Variants in HFM1 observed in about 807,000 individuals in gnomAD.
HFM1 encodes the protein probable ATP-dependent DNA helicase HFM1.
In HFM1, 169 loss-of-function variants were observed where a neutral mutation model predicts 192.1. That is an observed-to-expected ratio of 0.88 (90% CI 0.78 to 1.00). The LOEUF is 1.00. Among genes scored for constraint, HFM1 ranks in the 50% least tolerant of loss-of-function variants. The pLI, the probability that HFM1 is intolerant of heterozygous loss-of-function variation, is 0.00. For missense variants in HFM1, 1,661 were observed against 1,668.0 expected (o/e 1.00, Z 0.07); for synonymous variants, 525 against 537.8 (o/e 0.98, Z 0.33).
intron 20 of HFM1, among the ~76,000 whole-genome samples, chr1:91,333,876 G>C (rs1045038960): frequency 2.0e-5 from 3 of 152,146 alleles, no homozygotes; most frequent in Admixed American, 6.5e-5. Context: ...AGGTTGGCTA[G>C]GAAGATAACT....
rs76705793 is a variant in HFM1 at position 91,397,627 on chromosome 1, A to G, written c.72-1222T>C. 1.6e-3 allele frequency among the ~76,000 whole-genome samples: 240 copies of G among 152,346 alleles called. 3 individuals carry two copies. The East Asian group carries it at 0.023, about 15-fold the overall frequency. On this transcript the variant is annotated intron_variant, in intron 2 of 38. Transcript: ENST00000370425. ...ACAACACATTATCTGGCAACGTCTA[A>G]CAGACTGTTTAATAACAAGCCAGAT...
At chr1:91,310,030 C>T (rs1650205232) in intron 30 of HFM1, among the ~76,000 whole-genome samples, 1 of 151,558 alleles carries the variant, frequency 6.6e-6, no homozygotes, top group South Asian at 2.1e-4. Flanking sequence ...CTCTGCATAG[C>T]AAAGAAGCTG....
chr1:91,385,685 T>C lies in HFM1; in HGVS notation c.644A>G (p.Tyr215Cys), dbSNP rs1440221803. 1 of 1,611,852 alleles carries C rather than the reference T, an allele frequency of 6.2e-7. No homozygotes were observed. The highest frequency in any genetic ancestry group is 1.3e-5 in the African/African-American group (1 of 74,998). ...NYSNSKQKFQ[Y>C]SANVFTANNA... ...ATTTGCTGTAAACACATTTGCAGAATACTGAAATTTTTGCTTACTATTGCT... is the reference window on the plus strand; with the variant it reads ...ATTTGCTGTAAACACATTTGCAGAACACTGAAATTTTTGCTTACTATTGCT... The change falls in exon 5 of 39, where the codon TAT (tyrosine) becomes TGT (cysteine). Residue 215 changes from tyrosine (Y) to cysteine (C), a missense_variant. Coordinates refer to ENST00000370425, the MANE Select transcript of HFM1 (RefSeq NM_001017975.6).
intron 20 of HFM1, among the ~76,000 whole-genome samples, chr1:91,326,292 AAAG>A (rs1364526469): frequency 1.3e-5 from 2 of 152,262 alleles, no homozygotes; most frequent in African/African-American, 4.8e-5. Flanking sequence ...GATTTAACCC[AAAG>A]AAGGCTACCT....
intron 13 of HFM1, among the ~76,000 whole-genome samples, chr1:91,354,147 A>C (rs1251243754): frequency 1.3e-5 from 2 of 151,858 alleles, no homozygotes; most frequent in East Asian, 3.9e-4. Context: ...AGTTATTCAA[A>C]AAGAACCAAA....
At chr1:91,321,169 C>A (rs932895629) in intron 23 of HFM1, among the ~76,000 whole-genome samples, 6 of 152,178 alleles carry the variant, frequency 3.9e-5, no homozygotes, top group Admixed American at 3.9e-4. Context: ...GAGCCAGGCA[C>A]GCTGGCTCAC....
At chr1:91,316,579 G>A in intron 25 of HFM1, 103 bp from the exon 26 acceptor site, 1 of 457,214 alleles carries the variant, frequency 2.2e-6, no homozygotes. Flanking sequence ...AAAATTTTAA[G>A]ATCCAGTCAA....
At chr1:91,319,439 T>C in intron 23 of HFM1, 49 bp from the exon 24 acceptor site, 1 of 1,170,012 alleles carries the variant, frequency 8.5e-7, no homozygotes. Context: ...GTTATCTATC[T>C]CCCAGTATTT....
chr1:91,289,655 C>T (rs1347456376), intron 30 of HFM1, among the ~76,000 whole-genome samples: 2 of 152,124 alleles, frequency 1.3e-5, no homozygotes, highest in African/African-American at 2.4e-5. Flanking sequence ...CAGTCAGGAG[C>T]TAGAGACCAG....
At chr1:91,383,547 A>C (rs968680369) in intron 6 of HFM1, among the ~76,000 whole-genome samples, 2 of 152,168 alleles carry the variant, frequency 1.3e-5, no homozygotes, top group Non-Finnish European at 2.9e-5. Flanking sequence ...AAGTCAGGCA[A>C]GTATTTTCTA....
Position 91,395,266 on chromosome 1 carries a change from G to A in HFM1, c.185-864C>T, listed in dbSNP as rs144103211. 7.9e-5 allele frequency among the ~76,000 whole-genome samples: 12 copies of A among 152,012 alleles called. No individual in the cohort carries two copies. In the East Asian group the frequency reaches 2.3e-3, roughly 29 times the overall value. On this transcript the variant is annotated intron_variant, in intron 3 of 38. Transcript: ENST00000370425. ...CCAGGCGATCTTACCTTTAGGAAATGGCAAGGCAAAAACTGAACAGCAGTG... is the reference window on the plus strand; with the variant it reads ...CCAGGCGATCTTACCTTTAGGAAATAGCAAGGCAAAAACTGAACAGCAGTG...
At chr1:91,326,875 A>G (rs1446333013) in intron 20 of HFM1, among the ~76,000 whole-genome samples, 4 of 152,240 alleles carry the variant, frequency 2.6e-5, no homozygotes, top group African/African-American at 7.2e-5. Context: ...GGATGAAGTT[A>G]AAGTGTAGAG....
intron 1 of HFM1, among the ~76,000 whole-genome samples, chr1:91,403,265 G>A (rs755900846): frequency 2.0e-5 from 3 of 151,942 alleles, no homozygotes; most frequent in Non-Finnish European, 4.4e-5. Flanking sequence ...AATGCATTGT[G>A]GAATAAATGC....
intron 20 of HFM1, among the ~76,000 whole-genome samples, chr1:91,339,221 A>T (rs1655012320): frequency 6.6e-6 from 1 of 151,734 alleles, no homozygotes; most frequent in African/African-American, 2.4e-5. Context: ...GAACCCTGGC[A>T]ACTCAAAATA....
Position 91,351,428 on chromosome 1 carries a change from A to G in HFM1, c.2072+121T>C, listed in dbSNP as rs571288609. The G allele has an allele frequency of 1.6e-5, 9 of 577,072 alleles. No individual in the cohort carries two copies. In the East Asian group the frequency reaches 3.0e-4, roughly 19 times the overall value. The allele number at this position is 577,072 out of a possible 1,614,324, so 35.7% of individuals were successfully genotyped here. On this transcript the variant is annotated intron_variant, in intron 17 of 38. Coordinates refer to ENST00000370425, the MANE Select transcript of HFM1 (RefSeq NM_001017975.6). ...ACAAACTTTCTAGTTAAATAGTTGAAAACTTTACAGAAAATTGCCTTAAAA... is the reference window on the plus strand; with the variant it reads ...ACAAACTTTCTAGTTAAATAGTTGAGAACTTTACAGAAAATTGCCTTAAAA...
At chr1:91,376,641 G>T (rs1003065055) in intron 11 of HFM1, among the ~76,000 whole-genome samples, 3 of 151,602 alleles carry the variant, frequency 2.0e-5, no homozygotes, top group Admixed American at 6.6e-5. Flanking sequence ...TTTAAAAAAA[G>T]AACTCAAAGT....
At chr1:91,404,363 C>T (rs1431331727) in intron 1 of HFM1, among the ~76,000 whole-genome samples, 1 of 152,226 alleles carries the variant, frequency 6.6e-6, no homozygotes, top group Non-Finnish European at 1.5e-5. Context: ...GTCACTCCAC[C>T]CCCCGGGTCC....
intron 26 of HFM1, 50 bp from the exon 27 acceptor site, chr1:91,316,234 T>C (rs919796974): frequency 2.3e-5 from 28 of 1,207,474 alleles, no homozygotes; most frequent in Middle Eastern, 2.5e-4. Flanking sequence ...TGAAATTCTT[T>C]TAGTAAAATA....
intron 30 of HFM1, among the ~76,000 whole-genome samples, chr1:91,292,326 C>T (rs1098484): frequency 0.96 from 2,229 of 2,316 alleles, 1,108 homozygotes; most frequent in East Asian, 1. Context: ...CCAAAATCTC[C>T]TTAAGTTGTT....
Sources: allele counts gnomAD v4.1 joint callset (sites outside exome capture counted in the v4.1 genomes callset), GRCh38; gene constraint gnomAD v4.1.1; transcripts MANE v1.5; gene names NCBI Gene and HGNC (gene_info 2026-07-23, HGNC 2026-07-21).